The following MYRFL variants were observed in gnomAD, a reference collection of about 807,000 sequenced individuals.
The protein encoded by MYRFL is myelin regulatory factor-like protein.
MYRFL carries 88 observed loss-of-function variants against 109.4 expected under a neutral mutation model. The ratio of observed to expected loss-of-function variants is 0.80; its 90% confidence interval spans 0.68 to 0.96. MYRFL has a LOEUF of 0.96. MYRFL is among the 40% of genes least tolerant of loss of function. The probability of loss-of-function intolerance (pLI) is 0.00; values close to 1 mark genes in which losing one functional copy is unlikely to be tolerated. For synonymous variants in MYRFL, 324 were observed against 320.9 expected (o/e 1.01, Z -0.10); for missense variants, 957 against 954.9 (o/e 1.00, Z -0.03).
intron 2 of MYRFL, among the ~76,000 whole-genome samples, chr12:69,878,164 A>C (rs1179864484): frequency 6.8e-6 from 1 of 146,362 alleles, no homozygotes; most frequent in Non-Finnish European, 1.5e-5. Context: ...AATCACTTGA[A>C]CCTGGGAGGT....
At chr12:69,934,724 T>TGAA (rs905716767) in intron 16 of MYRFL, among the ~76,000 whole-genome samples, 2 of 152,190 alleles carry the variant, frequency 1.3e-5, no homozygotes, top group African/African-American at 4.8e-5. Flanking sequence ...GTCTCTTCCC[T>TGAA]GAAGTCAGGT....
intron 5 of MYRFL, among the ~76,000 whole-genome samples, chr12:69,885,532 G>T (rs1342536585): frequency 6.6e-6 from 1 of 152,112 alleles, no homozygotes; most frequent in Non-Finnish European, 1.5e-5. Flanking sequence ...AGCCGCACCT[G>T]GTCTCACAAA....
intron 2 of MYRFL, among the ~76,000 whole-genome samples, chr12:69,877,931 T>C (rs1312330642): frequency 2.6e-5 from 4 of 152,132 alleles, no homozygotes; most frequent in African/African-American, 7.2e-5. Flanking sequence ...TTAGTGGTAG[T>C]ACACATTTTT....
Position 69,910,948 on chromosome 12 carries a change from A to G in MYRFL, c.1602+18A>G, listed in dbSNP as rs1305034192. ...TGGATAAGGTAATCACTGAAAAGAT[A>G]TCAGCTGCTATAAGCTATCAGTCTA... is the stretch of plus-strand genomic sequence containing the variant. On this transcript the variant is annotated intron_variant, in intron 13 of 24. Coordinates refer to ENST00000552032, the MANE Select transcript of MYRFL (RefSeq NM_182530.3). 8.0e-6 allele frequency: 12 copies of G among 1,494,622 alleles called. No homozygotes were observed. Among genetic ancestry groups the G allele is most frequent in the African/African-American group, 2.8e-5 (2 of 72,198 alleles). 92.6% of individuals were successfully genotyped at this position (1,494,622 alleles called of 1,614,324 possible).
intron 16 of MYRFL, among the ~76,000 whole-genome samples, chr12:69,932,862 CGTGTGTGTGT>C (rs3970822): frequency 2.0e-5 from 3 of 149,350 alleles, no homozygotes; most frequent in Non-Finnish European, 3.0e-5. Flanking sequence ...CTGTGCCTTT[CGTGTGTGTGT>C]GTGTGTGTGT....
At chr12:69,949,921 C>G (rs550719303) in intron 19 of MYRFL, among the ~76,000 whole-genome samples, 7 of 152,172 alleles carry the variant, frequency 4.6e-5, no homozygotes, top group Admixed American at 2.0e-4. Context: ...CTTAGCTTAT[C>G]TGTCAAGCGG....
At chr12:69,836,622 A>C (rs1592680281) in intron 1 of MYRFL, among the ~76,000 whole-genome samples, 1 of 152,214 alleles carries the variant, frequency 6.6e-6, no homozygotes. Flanking sequence ...GAAGAGGGAC[A>C]CTTTAAAATC....
chr12:69,931,510 T>A (rs1955267359), intron 15 of MYRFL, among the ~76,000 whole-genome samples: 1 of 152,190 alleles, frequency 6.6e-6, no homozygotes, highest in Non-Finnish European at 1.5e-5. Flanking sequence ...TTTAGTCAGA[T>A]AACTAGCCCA....
Position 69,952,880 on chromosome 12 carries a change from A to G in MYRFL, c.2369A>G (p.Gln790Arg), listed in dbSNP as rs1956014593. 1 of 1,534,524 alleles carries G rather than the reference A, an allele frequency of 6.5e-7. No individual in the cohort carries two copies. The highest frequency in any genetic ancestry group is 8.7e-7 in the Non-Finnish European group (1 of 1,145,910). Reference protein sequence around the residue: ...IDHQYCIQSLQCGSGNYNYNI... With the variant: ...IDHQYCIQSLRCGSGNYNYNI... Reference sequence around the variant, plus strand: ...CATCAGTATTGCATTCAAAGCCTCCAGTGCGGGTAGGTAAGCCTCCCCAGC... The same window carrying G: ...CATCAGTATTGCATTCAAAGCCTCCGGTGCGGGTAGGTAAGCCTCCCCAGC... The change falls in exon 21 of 25, where the codon CAG becomes CGG. Residue 790 changes from glutamine (Q) to arginine (R), a missense_variant. Transcript: ENST00000552032.
intron 22 of MYRFL, 25 bp from the exon 23 acceptor site, chr12:69,957,795 GCT>G (rs1565655791): frequency 2.7e-6 from 4 of 1,504,506 alleles, no homozygotes; most frequent in South Asian, 2.5e-5. Flanking sequence ...TTTTTCAGGT[GCT>G]CTTTCTTTTC....
intron 1 of MYRFL, among the ~76,000 whole-genome samples, chr12:69,846,598 T>C (rs1228496403): frequency 1.3e-5 from 2 of 152,140 alleles, no homozygotes; most frequent in African/African-American, 4.8e-5. Context: ...AGTCTATCAT[T>C]GTTGGACATT....
At chr12:69,855,238 G>A (rs138087564) in intron 1 of MYRFL, 42 bp from the exon 2 acceptor site, 2 of 695,350 alleles carry the variant, frequency 2.9e-6, no homozygotes, top group African/African-American at 1.8e-5. Context: ...TGGCCATACT[G>A]AAATCTTCAT....
intron 7 of MYRFL, among the ~76,000 whole-genome samples, chr12:69,893,230 C>G (rs1484091225): frequency 6.6e-6 from 1 of 152,128 alleles, no homozygotes; most frequent in African/African-American, 2.4e-5. Flanking sequence ...CAAGTCTTTT[C>G]CAATATTCAC....
intron 19 of MYRFL, among the ~76,000 whole-genome samples, chr12:69,948,505 G>T (rs956003168): frequency 5.9e-5 from 9 of 152,148 alleles, no homozygotes; most frequent in Admixed American, 2.6e-4. Flanking sequence ...AGGACAAAAG[G>T]TAGGAGAAGA....
At chr12:69,939,299 A>G (rs1955565877) in intron 19 of MYRFL, among the ~76,000 whole-genome samples, 1 of 151,930 alleles carries the variant, frequency 6.6e-6, no homozygotes, top group East Asian at 1.9e-4. Flanking sequence ...CCTGTCTGAC[A>G]GCTTTGAAGA....
chr12:69,906,160 G>A (rs749122639), intron 11 of MYRFL, among the ~76,000 whole-genome samples: 7 of 152,130 alleles, frequency 4.6e-5, no homozygotes, highest in South Asian at 2.1e-4. Context: ...GTTTCCTCAC[G>A]CAGGAAACAC....
chr12:69,833,559 TATTA>T (rs1438996007), intron 1 of MYRFL, among the ~76,000 whole-genome samples: 1 of 152,218 alleles, frequency 6.6e-6, no homozygotes, highest in Non-Finnish European at 1.5e-5. Context: ...TAAGACTTTA[TATTA>T]ATTCTTAATT....
chr12:69,948,570 G>A (rs777231479), intron 19 of MYRFL, among the ~76,000 whole-genome samples: 3 of 152,138 alleles, frequency 2.0e-5, no homozygotes, highest in Non-Finnish European at 2.9e-5. Flanking sequence ...CCTCATTTGC[G>A]TTGTAAATTT....
chr12:69,956,958 G>A (rs1160371612), intron 22 of MYRFL, among the ~76,000 whole-genome samples: 2 of 152,148 alleles, frequency 1.3e-5, no homozygotes, highest in African/African-American at 4.8e-5. Context: ...TATATCCCCT[G>A]AAGTGGCAGA....
Sources: gnomAD v4.1 joint callset for allele counts (sites outside exome capture counted in the v4.1 genomes callset) on GRCh38, gnomAD v4.1.1 for gene constraint, MANE v1.5 for transcripts, NCBI Gene and HGNC (gene_info 2026-07-23, HGNC 2026-07-21) for gene names.